The following FANCI variants were observed in gnomAD, a reference collection of about 807,000 sequenced individuals.
FANCI encodes the protein FA complementation group I, also known as Fanconi anemia group I protein.
In FANCI, 156 loss-of-function variants were observed where a neutral mutation model predicts 176.1. The observed-to-expected ratio is 0.89, with a 90% CI of 0.78 to 1.01. The LOEUF is 1.01. Among genes scored for constraint, FANCI ranks in the 50% least tolerant of loss-of-function variants. The pLI, the probability that FANCI is intolerant of heterozygous loss-of-function variation, is 0.00. For synonymous variants in FANCI, 613 were observed against 541.7 expected, an observed-to-expected ratio of 1.13 and a Z score of -1.83; for missense variants, 1,678 against 1,534.1, an observed-to-expected ratio of 1.09 and a Z score of -1.57.
At chr15:89,277,719 C>T (rs1212094630) in intron 13 of FANCI, among the ~76,000 whole-genome samples, 1 of 151,450 alleles carries the variant, frequency 6.6e-6, no homozygotes, top group Non-Finnish European at 1.5e-5. Context: ...TTATCACTGA[C>T]ATCTCAATCT....
At chr15:89,244,981 G>A (rs867399303) in intron 1 of FANCI, among the ~76,000 whole-genome samples, 1 of 152,252 alleles carries the variant, frequency 6.6e-6, no homozygotes, top group Middle Eastern at 3.4e-3. Flanking sequence ...GAGATACAAT[G>A]ATAAACAAAA....
intron 2 of FANCI, among the ~76,000 whole-genome samples, chr15:89,254,020 T>C (rs2052387097): frequency 6.6e-6 from 1 of 152,074 alleles, no homozygotes; most frequent in African/African-American, 2.4e-5. Flanking sequence ...TGTATAAACA[T>C]GCATACATTT....
intron 4 of FANCI, 96 bp downstream of exon 4, chr15:89,260,939 G>A: frequency 6.8e-7 from 1 of 1,464,566 alleles, no homozygotes; most frequent in Non-Finnish European, 9.5e-7. Flanking sequence ...ACCTAGCATA[G>A]TCCTTATTTA....
At chr15:89,276,640 G>A in intron 12 of FANCI, 71 bp from the exon 13 acceptor site, 2 of 1,540,200 alleles carry the variant, frequency 1.3e-6, no homozygotes, top group Non-Finnish European at 9.0e-7. Context: ...ATGTATAACA[G>A]GGCAATGAGT....
intron 27 of FANCI, among the ~76,000 whole-genome samples, chr15:89,303,160 A>C (rs1160015802): frequency 6.6e-6 from 1 of 152,180 alleles, no homozygotes; most frequent in South Asian, 2.1e-4. Context: ...AGATCTTTTA[A>C]TATCAGTTTG....
At chr15:89,303,944 G>T in intron 28 of FANCI, 29 bp downstream of exon 28, 2 of 1,607,662 alleles carry the variant, frequency 1.2e-6, no homozygotes, top group Non-Finnish European at 8.5e-7. Context: ...TTTCCTAAAG[G>T]CTTTATATAA....
Position 89,281,246 on chromosome 15 carries a change from C to G in FANCI, c.1458C>G (p.Asp486Glu). 6.2e-7 allele frequency: 1 copy of G among 1,613,894 alleles called. No homozygotes were observed. Among genetic ancestry groups the G allele is most frequent in the Non-Finnish European group, 8.5e-7 (1 of 1,179,860 alleles). Residue 486 changes from aspartate (D) to glutamate (E), a missense_variant, in exon 15 of 38, where the codon GAC (aspartate) becomes GAG (glutamate). Physicochemically the swap from Asp to Glu is conservative, Grantham distance 45. This residue lies in a region of FANCI where 1,204 missense variants were observed against 1,077.4 expected (regional missense o/e 1.12). Coordinates refer to ENST00000310775, the MANE Select transcript of FANCI (RefSeq NM_001113378.2). ...SCSSKVTEAF[D>E]YLSFLPLQTV... The stretch of plus-strand genomic sequence containing the variant: ...CTTCTAAAGTCACAGAAGCTTTTGA[C>G]TATTTGTCCTTTCTGCCCCTTCAGA...
intron 32 of FANCI, among the ~76,000 whole-genome samples, chr15:89,307,228 C>T (rs986639295): frequency 2.0e-5 from 3 of 152,188 alleles, no homozygotes; most frequent in Non-Finnish European, 2.9e-5. Context: ...TTTTTACATG[C>T]AGGGACTACC....
chr15:89,258,879 T>C (rs769597686), intron 3 of FANCI, 103 bp downstream of exon 3: 38 of 888,370 alleles, frequency 4.3e-5, no homozygotes, highest in Non-Finnish European at 6.5e-5. Flanking sequence ...TGGAACATTT[T>C]CCATGTTTTG....
chr15:89,268,860 T>C (rs1410933645), intron 10 of FANCI, among the ~76,000 whole-genome samples: 1 of 152,208 alleles, frequency 6.6e-6, no homozygotes, highest in Non-Finnish European at 1.5e-5. Context: ...AAGTAGATTA[T>C]GTGTCACTGT....
At chr15:89,314,869 G>C (rs1252417094) in intron 36 of FANCI, among the ~76,000 whole-genome samples, 162 bp downstream of exon 36, 2 of 114,738 alleles carry the variant, frequency 1.7e-5, no homozygotes, top group African/African-American at 3.5e-5. Context: ...TTGAGACTGT[G>C]TCTCATTCTG....
chr15:89,273,311 A>T (rs760217615), intron 10 of FANCI, 66 bp from the exon 11 acceptor site: 11,963 of 111,354 alleles, frequency 0.11, 45 homozygotes, highest in Middle Eastern at 0.16. Flanking sequence ...TTTTTTTTTT[A>T]AAAAAAAAAA....
chr15:89,304,887 G>A (rs376248919), intron 28 of FANCI, among the ~76,000 whole-genome samples: 45 of 151,474 alleles, frequency 3.0e-4, no homozygotes, highest in African/African-American at 3.6e-4. Flanking sequence ...AGCAATTCTC[G>A]TGCCTCAGCC....
chr15:89,302,931 G>C (rs549856609), intron 27 of FANCI, among the ~76,000 whole-genome samples: 1 of 152,118 alleles, frequency 6.6e-6, no homozygotes, highest in Non-Finnish European at 1.5e-5. Flanking sequence ...GAAAACCAGA[G>C]ATTATCAAGA....
chr15:89,304,588 G>A (rs1162937535), intron 28 of FANCI, among the ~76,000 whole-genome samples: 1 of 152,170 alleles, frequency 6.6e-6, no homozygotes, highest in Non-Finnish European at 1.5e-5. Context: ...AACTAATGAT[G>A]GGAAATGTCT....
chr15:89,256,038 C>T (rs2052479811), intron 2 of FANCI, among the ~76,000 whole-genome samples: 1 of 152,226 alleles, frequency 6.6e-6, no homozygotes, highest in Non-Finnish European at 1.5e-5. Flanking sequence ...CTAGGATTTA[C>T]ATCCAGGGCT....
chr15:89,254,188 T>A (rs913698227), intron 2 of FANCI, among the ~76,000 whole-genome samples: 5 of 152,012 alleles, frequency 3.3e-5, no homozygotes, highest in African/African-American at 1.2e-4. Context: ...TCAAATCCTG[T>A]CTCTATAAAA....
chr15:89,315,494 G>T, intron 37 of FANCI, 105 bp downstream of exon 37: 1 of 775,980 alleles, frequency 1.3e-6, no homozygotes, highest in Non-Finnish European at 2.3e-6. Context: ...ATGGGAAAGG[G>T]CTAAAAGGTG....
intron 24 of FANCI, among the ~76,000 whole-genome samples, chr15:89,297,538 C>T (rs1399999287): frequency 1.3e-5 from 2 of 152,196 alleles, no homozygotes; most frequent in African/African-American, 4.8e-5. Context: ...GCTGGCGGAT[C>T]ACTCGTGGTT....
Sources: gnomAD v4.1 joint callset for allele counts (sites outside exome capture counted in the v4.1 genomes callset) on GRCh38, gnomAD v4.1.1 for gene constraint, gnomAD v4.1.1 regional missense constraint, MANE v1.5 for transcripts, NCBI Gene and HGNC (gene_info 2026-07-23, HGNC 2026-07-21) for gene names.